The following RALYL variants were observed in gnomAD, a reference collection of about 807,000 sequenced individuals.
RALYL encodes RNA-binding Raly-like protein.
In RALYL, 29 loss-of-function variants were observed where a neutral mutation model predicts 35.1. The ratio of observed to expected loss-of-function variants is 0.83; its 90% CI spans 0.61 to 1.13. The LOEUF (loss-of-function observed/expected upper bound fraction) is 1.13, where lower values mean the gene tolerates loss of function less well. Among genes scored for constraint, RALYL ranks in the 50% most tolerant of loss-of-function variants. The pLI is 0.00. For missense variants in RALYL, 359 were observed against 360.4 expected (o/e 1.00, Z 0.03); for synonymous variants, 120 against 127.6 (o/e 0.94, Z 0.40).
intron 2 of RALYL, among the ~76,000 whole-genome samples, chr8:84,611,435 A>G (rs954771914): frequency 6.6e-6 from 1 of 152,126 alleles, no homozygotes; most frequent in African/African-American, 2.4e-5. Flanking sequence ...CTGGGCAAGA[A>G]TTAATCAGCC....
chr8:84,314,231 C>T (rs533289672), intron 1 of RALYL, among the ~76,000 whole-genome samples: 1 of 152,174 alleles, frequency 6.6e-6, no homozygotes, highest in Non-Finnish European at 1.5e-5. Context: ...AGTCACCTCC[C>T]ACCAGATCCC....
chr8:84,734,846 T>G (rs1846934134), intron 2 of RALYL, among the ~76,000 whole-genome samples: 1 of 152,052 alleles, frequency 6.6e-6, no homozygotes, highest in African/African-American at 2.4e-5. Flanking sequence ...CCAAAGTACC[T>G]AGGAATAAAA....
At chr8:84,238,909 C>T (rs1827233838) in intron 1 of RALYL, among the ~76,000 whole-genome samples, 1 of 152,144 alleles carries the variant, frequency 6.6e-6, no homozygotes, top group African/African-American at 2.4e-5. Flanking sequence ...CTATAGCATG[C>T]ATCTTGTTTC....
chr8:84,916,374 G>A (rs1033642803), intron 8 of RALYL, among the ~76,000 whole-genome samples: 2 of 151,610 alleles, frequency 1.3e-5, no homozygotes, highest in Non-Finnish European at 2.9e-5. Flanking sequence ...TAAGTCATAT[G>A]GTTTGGCTGT....
chr8:84,733,801 G>A (rs1030666725), intron 2 of RALYL, among the ~76,000 whole-genome samples: 2 of 152,134 alleles, frequency 1.3e-5, no homozygotes, highest in Non-Finnish European at 2.9e-5. Context: ...GGTGAATGGT[G>A]GTTAGCATTG....
chr8:84,845,694 T>G (rs1388271223), intron 4 of RALYL, among the ~76,000 whole-genome samples: 1 of 152,186 alleles, frequency 6.6e-6, no homozygotes, highest in Admixed American at 6.5e-5. Flanking sequence ...CAATTTTTGA[T>G]TTTGTTGCAA....
At chr8:84,583,991 G>A (rs563400050) in intron 2 of RALYL, among the ~76,000 whole-genome samples, 19 of 152,224 alleles carry the variant, frequency 1.2e-4, no homozygotes, top group Admixed American at 1.1e-3. Context: ...CATAGTAGGT[G>A]TATATATTTA....
rs766059077 is a variant in RALYL at position 84,887,753 on chromosome 8, G to A, written c.835G>A (p.Asp279Asn). The A allele has an allele frequency of 2.9e-5, 47 of 1,613,456 alleles. No individual in the cohort carries two copies. The highest frequency in any genetic ancestry group is 4.0e-5 in the African/African-American group (3 of 74,930). Reference sequence around the variant, plus strand: ...GACAGATGGGATAGAGGAGGACTTCGATGAAGATGGGGGTCATGAGCTGGT... The same window carrying A: ...GACAGATGGGATAGAGGAGGACTTCAATGAAGATGGGGGTCATGAGCTGGT... ...EMTDGIEEDF[D>N]EDGGHELFLQ... The change falls in exon 8 of 9, where the codon GAT (aspartate) becomes AAT (asparagine). Residue 279 changes from aspartate (D) to asparagine (N), a missense_variant. By Grantham distance (23) the Asp-to-Asn change is conservative (BLOSUM62 1). Coordinates refer to ENST00000521268, the MANE Select transcript of RALYL (RefSeq NM_173848.7).
chr8:84,316,411 A>G (rs1843759223), intron 1 of RALYL, among the ~76,000 whole-genome samples: 1 of 152,156 alleles, frequency 6.6e-6, no homozygotes. Context: ...TTATATTTCC[A>G]TAAGTGAAGT....
chr8:84,216,039 T>C (rs1021735451), intron 1 of RALYL, among the ~76,000 whole-genome samples: 4 of 152,112 alleles, frequency 2.6e-5, no homozygotes, highest in Non-Finnish European at 2.9e-5. Context: ...CAGTAAACAA[T>C]GCCACATTTT....
At chr8:84,592,064 G>T (rs544784718) in intron 2 of RALYL, among the ~76,000 whole-genome samples, 3 of 152,032 alleles carry the variant, frequency 2.0e-5, no homozygotes, top group Non-Finnish European at 4.4e-5. Context: ...GTGCATTTTG[G>T]TTTATTTTTT....
intron 2 of RALYL, among the ~76,000 whole-genome samples, chr8:84,724,746 G>GT (rs1013177394): frequency 4.0e-5 from 6 of 151,728 alleles, no homozygotes; most frequent in African/African-American, 1.4e-4. Context: ...ACAGTAAGTT[G>GT]TTTAAGATTT....
chr8:84,340,086 G>A (rs1212607797), intron 1 of RALYL, among the ~76,000 whole-genome samples: 1 of 152,050 alleles, frequency 6.6e-6, no homozygotes, highest in Non-Finnish European at 1.5e-5. Context: ...CTGCCATCAT[G>A]CAGGACAGGG....
intron 2 of RALYL, among the ~76,000 whole-genome samples, chr8:84,685,370 C>G (rs1294960664): frequency 6.6e-6 from 1 of 152,074 alleles, no homozygotes; most frequent in Admixed American, 6.6e-5. Context: ...CTGCACTAGT[C>G]TTCATCCTAG....
chr8:84,860,840 CT>C (rs1450279943), intron 5 of RALYL, among the ~76,000 whole-genome samples: 1 of 152,138 alleles, frequency 6.6e-6, no homozygotes, highest in Non-Finnish European at 1.5e-5. Context: ...AGGAGATATT[CT>C]TAATACTAAG....
chr8:84,888,011 G>T (rs1216666430), intron 8 of RALYL, among the ~76,000 whole-genome samples: 2 of 152,176 alleles, frequency 1.3e-5, no homozygotes, highest in Non-Finnish European at 2.9e-5. Context: ...TAAGAGATTA[G>T]GTATATTTAA....
chr8:84,760,012 T>G (rs2133350815), intron 2 of RALYL, among the ~76,000 whole-genome samples: 1 of 152,304 alleles, frequency 6.6e-6, no homozygotes, highest in Non-Finnish European at 1.5e-5. Context: ...TTTGCCTATC[T>G]TATAGGCCAT....
intron 3 of RALYL, among the ~76,000 whole-genome samples, chr8:84,797,447 G>T (rs1822205113): frequency 6.6e-6 from 1 of 152,136 alleles, no homozygotes; most frequent in South Asian, 2.1e-4. Flanking sequence ...AGAGAGCTTG[G>T]CAGAGTCCCT....
chr8:84,237,974 C>CT (rs1826961244), intron 1 of RALYL, among the ~76,000 whole-genome samples: 1 of 117,784 alleles, frequency 8.5e-6, no homozygotes, highest in Non-Finnish European at 1.7e-5. Context: ...AAATATGAAT[C>CT]TAAAAAAAAG....
Sources: allele counts gnomAD v4.1 joint callset (sites outside exome capture counted in the v4.1 genomes callset), GRCh38; gene constraint gnomAD v4.1.1; transcripts MANE v1.5; gene names NCBI Gene and HGNC (gene_info 2026-07-23, HGNC 2026-07-21).